ADAMTS17: variants seen among roughly 807,000 people sequenced by gnomAD.
The protein encoded by ADAMTS17 is ADAM metallopeptidase with thrombospondin type 1 motif 17, also known as A disintegrin and metalloproteinase with thrombospondin motifs 17.
A neutral mutation model predicts 141.5 loss-of-function variants in ADAMTS17; 113 were observed. That is an observed-to-expected ratio of 0.80 (90% CI 0.69 to 0.93). The LOEUF (loss-of-function observed/expected upper bound fraction) is 0.93, where lower values mean the gene tolerates loss of function less well. Among genes scored for constraint, ADAMTS17 ranks in the 40% least tolerant of loss-of-function variants. The pLI, the probability that ADAMTS17 is intolerant of heterozygous loss-of-function variation, is 0.00. For missense variants in ADAMTS17, 1,659 were observed against 1,517.9 expected (o/e 1.09, Z -1.54); for synonymous variants, 768 against 630.6 (o/e 1.22, Z -3.27).
At chr15:100,282,640 C>T (rs748862295) in intron 3 of ADAMTS17, among the ~76,000 whole-genome samples, 6 of 152,034 alleles carry the variant, frequency 3.9e-5, no homozygotes, top group African/African-American at 1.5e-4. Context: ...AATGAAACTA[C>T]GGAAAGTGAA....
At chr15:100,303,374 T>C (rs1483304632) in intron 3 of ADAMTS17, among the ~76,000 whole-genome samples, 2 of 151,744 alleles carry the variant, frequency 1.3e-5, no homozygotes, top group Non-Finnish European at 2.9e-5. Context: ...TTACCGGACA[T>C]ATGATTTAAA....
intron 12 of ADAMTS17, 41 bp downstream of exon 12, chr15:100,131,966 C>G (rs770864117): frequency 6.2e-7 from 1 of 1,613,904 alleles, no homozygotes; most frequent in Non-Finnish European, 8.5e-7. Context: ...TGGGAAACTC[C>G]AATCGTGGCA....
chr15:100,111,256 A>G (rs954079835), intron 13 of ADAMTS17, among the ~76,000 whole-genome samples: 9 of 152,210 alleles, frequency 5.9e-5, no homozygotes, highest in Admixed American at 3.9e-4. Context: ...GGACAAGTGT[A>G]CAGCAAACCC....
intron 4 of ADAMTS17, among the ~76,000 whole-genome samples, chr15:100,265,091 C>T (rs4965614): frequency 0.096 from 14,601 of 152,182 alleles, 914 homozygotes; most frequent in Admixed American, 0.15. Flanking sequence ...AGGGCACTGA[C>T]GTCCAAGAGA....
intron 7 of ADAMTS17, among the ~76,000 whole-genome samples, chr15:100,226,425 G>A (rs775053526): frequency 1.3e-5 from 2 of 152,268 alleles, no homozygotes; most frequent in African/African-American, 2.4e-5. Flanking sequence ...ATAATCAGAT[G>A]TGGTTTTGAG....
intron 8 of ADAMTS17, among the ~76,000 whole-genome samples, chr15:100,156,588 C>T (rs2039447432): frequency 6.6e-6 from 1 of 152,212 alleles, no homozygotes; most frequent in African/African-American, 2.4e-5. Flanking sequence ...CTACTGATGT[C>T]AGTGACACTT....
At chr15:100,233,076 C>T (rs914908361) in intron 7 of ADAMTS17, among the ~76,000 whole-genome samples, 1 of 152,142 alleles carries the variant, frequency 6.6e-6, no homozygotes, top group Non-Finnish European at 1.5e-5. Flanking sequence ...CGCCTATAAT[C>T]CTAGCACTTT....
At chr15:99,996,435 G>C (rs1006900882) in intron 19 of ADAMTS17, among the ~76,000 whole-genome samples, 2 of 152,108 alleles carry the variant, frequency 1.3e-5, no homozygotes, top group African/African-American at 2.4e-5. Context: ...ACTGACAAAC[G>C]TAAGCATAGA....
chr15:100,086,328 A>C (rs903937815), intron 15 of ADAMTS17, among the ~76,000 whole-genome samples: 11 of 150,924 alleles, frequency 7.3e-5, no homozygotes, highest in Non-Finnish European at 1.5e-4. Flanking sequence ...CCAATACAGG[A>C]GCACCCAGAT....
At chr15:100,227,119 T>C (rs898178908) in intron 7 of ADAMTS17, among the ~76,000 whole-genome samples, 1 of 152,130 alleles carries the variant, frequency 6.6e-6, no homozygotes, top group African/African-American at 2.4e-5. Context: ...CTCTGAGCAC[T>C]GATGAACCCC....
At chr15:100,337,268 G>A (rs906904724) in intron 2 of ADAMTS17, among the ~76,000 whole-genome samples, 2 of 152,200 alleles carry the variant, frequency 1.3e-5, no homozygotes, top group Non-Finnish European at 2.9e-5. Context: ...ATAGCTGTAC[G>A]GAACTATGAA....
intron 8 of ADAMTS17, among the ~76,000 whole-genome samples, chr15:100,191,930 G>A (rs1450187831): frequency 6.6e-6 from 1 of 152,148 alleles, no homozygotes; most frequent in Non-Finnish European, 1.5e-5. Context: ...GAAGAACCCT[G>A]CAAGTCTCAC....
intron 18 of ADAMTS17, among the ~76,000 whole-genome samples, chr15:100,005,274 C>T (rs1467870829): frequency 1.3e-5 from 2 of 152,218 alleles, no homozygotes; most frequent in Non-Finnish European, 2.9e-5. Context: ...TTACCCCCAA[C>T]TTAATGGCTC....
At chr15:100,322,590 C>A (rs927037599) in intron 3 of ADAMTS17, among the ~76,000 whole-genome samples, 12 of 152,254 alleles carry the variant, frequency 7.9e-5, no homozygotes, top group Admixed American at 1.3e-4. Flanking sequence ...AGAGAAAAGA[C>A]AATCAATGTA....
chr15:100,270,729 G>A (rs2043877578), intron 4 of ADAMTS17, among the ~76,000 whole-genome samples: 2 of 77,420 alleles, frequency 2.6e-5, no homozygotes, highest in South Asian at 5.3e-4. Flanking sequence ...TATGTAGGAT[G>A]TTTTTAAAAA....
chr15:100,269,532 A>G (rs534483133), intron 4 of ADAMTS17, among the ~76,000 whole-genome samples: 2 of 152,334 alleles, frequency 1.3e-5, no homozygotes, highest in African/African-American at 4.8e-5. Context: ...TGAGCTCTAG[A>G]GAATGGCAAG....
At chr15:100,144,376 C>A (rs1190284930) in intron 10 of ADAMTS17, among the ~76,000 whole-genome samples, 1 of 152,070 alleles carries the variant, frequency 6.6e-6, no homozygotes, top group African/African-American at 2.4e-5. Context: ...ATGGCAAAAC[C>A]CTGTCTCTAC....
intron 10 of ADAMTS17, among the ~76,000 whole-genome samples, chr15:100,149,471 C>T (rs1265702379): frequency 6.6e-6 from 1 of 151,732 alleles, no homozygotes; most frequent in Non-Finnish European, 1.5e-5. Context: ...CCCTGGTCAC[C>T]TGCTCCGTCC....
Position 100,300,854 on chromosome 15 carries a change from T to C in ADAMTS17, c.617-19453A>G, listed in dbSNP as rs145161543. Among the ~76,000 whole-genome samples the C allele has an allele frequency of 1.3e-3, 200 of 152,338 alleles. 1 individual carries two copies. Among genetic ancestry groups the C allele is most frequent in the African/African-American group, 4.5e-3 (186 of 41,572 alleles). On this transcript the variant is annotated intron_variant, in intron 3 of 21. Transcript: ENST00000268070. ...ACATAACTTGTATGTACACCCCAAG[T>C]GCCACTTCCTCAAAGAAGCTTTTGT...
Sources: allele counts gnomAD v4.1 joint callset (sites outside exome capture counted in the v4.1 genomes callset), GRCh38; gene constraint gnomAD v4.1.1; transcripts MANE v1.5; gene names NCBI Gene and HGNC (gene_info 2026-07-23, HGNC 2026-07-21).